Variants in ZNF322 observed in about 807,000 individuals in gnomAD.
The protein encoded by ZNF322 is HLA complex group 12.
In ZNF322, 1 loss-of-function variant was observed where a neutral mutation model predicts 18.3. The ratio of observed to expected loss-of-function variants is 0.05; its 90% CI spans 0.02 to 0.26. ZNF322 has a LOEUF of 0.26. Among genes scored for constraint, ZNF322 ranks in the 10% least tolerant of loss-of-function variants. The probability of loss-of-function intolerance (pLI) is 1.00; values close to 1 mark genes in which losing one functional copy is unlikely to be tolerated. For synonymous variants in ZNF322, 17 were observed against 130.7 expected, an observed-to-expected ratio of 0.13 and a Z score of 5.93; for missense variants, 36 against 403.6, an observed-to-expected ratio of 0.09 and a Z score of 7.80.
chr6:26,640,804 T>G (rs189096452), intron 3 of ZNF322, among the ~76,000 whole-genome samples: 3 of 152,304 alleles, frequency 2.0e-5, no homozygotes, highest in Admixed American at 2.0e-4. Context: ...ATGAAAACTT[T>G]GACTGCAAAA....
chr6:26,649,660 T>C (rs2113669121), intron 2 of ZNF322, among the ~76,000 whole-genome samples: 1 of 45,668 alleles, frequency 2.2e-5, no homozygotes, highest in Admixed American at 2.2e-4. Flanking sequence ...TGTGTGTGTG[T>C]GTGTGTGTGT....
At chr6:26,647,755 T>C (rs782249536) in intron 2 of ZNF322, among the ~76,000 whole-genome samples, 31 of 152,298 alleles carry the variant, frequency 2.0e-4, no homozygotes, top group South Asian at 8.3e-4. Context: ...CAATGCTTCA[T>C]ACATATTTTC....
chr6:26,651,717 C>T (rs1765673269), intron 2 of ZNF322, among the ~76,000 whole-genome samples: 1 of 152,066 alleles, frequency 6.6e-6, no homozygotes, highest in Admixed American at 6.6e-5. Context: ...ATACTTACTT[C>T]TCAATTAAAA....
chr6:26,656,638 C>G (rs1554149713), intron 2 of ZNF322, among the ~76,000 whole-genome samples: 1 of 152,076 alleles, frequency 6.6e-6, no homozygotes, highest in African/African-American at 2.4e-5. Flanking sequence ...TGCCGGGATA[C>G]AGACAAATAG....
chr6:26,658,351 A>T (rs961956324), intron 2 of ZNF322, among the ~76,000 whole-genome samples: 16 of 151,680 alleles, frequency 1.1e-4, no homozygotes, highest in Non-Finnish European at 1.9e-4. Flanking sequence ...GCCTAATGTG[A>T]ATATGCATGC....
intron 3 of ZNF322, among the ~76,000 whole-genome samples, chr6:26,642,688 A>G (rs1765486741): frequency 1.3e-5 from 2 of 152,000 alleles, no homozygotes; most frequent in African/African-American, 4.8e-5. Flanking sequence ...CATTACTCCT[A>G]TTTTCTTTTA....
intron 3 of ZNF322, among the ~76,000 whole-genome samples, chr6:26,639,633 A>C (rs1343786156): frequency 6.6e-6 from 1 of 152,176 alleles, no homozygotes; most frequent in Non-Finnish European, 1.5e-5. Context: ...TCAATTACCA[A>C]AAATAGACTA....
intron 2 of ZNF322, among the ~76,000 whole-genome samples, chr6:26,648,573 T>TA (rs1765595713): frequency 6.6e-6 from 1 of 152,154 alleles, no homozygotes; most frequent in Admixed American, 6.5e-5. Context: ...ACTCAAATGA[T>TA]AAAGGAATTC....
chr6:26,655,139 T>C (rs1432691224), intron 2 of ZNF322, among the ~76,000 whole-genome samples: 7 of 152,188 alleles, frequency 4.6e-5, no homozygotes, highest in African/African-American at 1.7e-4. Flanking sequence ...TCTGAAGATA[T>C]GTTCACAATA....
chr6:26,649,697 A>ATTTTT (rs1561924958), intron 2 of ZNF322, among the ~76,000 whole-genome samples: 2 of 52,462 alleles, frequency 3.8e-5, no homozygotes, highest in African/African-American at 1.9e-4. Context: ...ATATATATAT[A>ATTTTT]TATATTTTTT....
chr6:26,655,799 T>C (rs1765759186), intron 2 of ZNF322, among the ~76,000 whole-genome samples: 1 of 152,170 alleles, frequency 6.6e-6, no homozygotes, highest in Non-Finnish European at 1.5e-5. Context: ...TGAGCACTCT[T>C]GCTTGCTCTC....
At chr6:26,652,870 G>T (rs1298204436) in intron 2 of ZNF322, among the ~76,000 whole-genome samples, 1 of 152,088 alleles carries the variant, frequency 6.6e-6, no homozygotes, top group Non-Finnish European at 1.5e-5. Flanking sequence ...TATGTGTGTG[G>T]TATGTGCATG....
chr6:26,649,304 C>T (rs1765609354), intron 2 of ZNF322, among the ~76,000 whole-genome samples: 1 of 142,952 alleles, frequency 7.0e-6, no homozygotes, highest in Admixed American at 6.8e-5. Context: ...AAAGGAAATC[C>T]AGAAATAAAC....
intron 3 of ZNF322, among the ~76,000 whole-genome samples, chr6:26,640,945 G>A (rs1427945425): frequency 1.3e-5 from 2 of 152,184 alleles, no homozygotes; most frequent in African/African-American, 2.4e-5. Flanking sequence ...AAAGCTCACT[G>A]AATACAGCAA....
intron 2 of ZNF322, among the ~76,000 whole-genome samples, chr6:26,644,219 G>A (rs1179770624): frequency 2.0e-5 from 3 of 152,178 alleles, no homozygotes; most frequent in Non-Finnish European, 4.4e-5. Context: ...AACAACCCAG[G>A]AGGTGGTCAA....
At chr6:26,650,030 A>G (rs1554149058) in intron 2 of ZNF322, among the ~76,000 whole-genome samples, 1 of 152,054 alleles carries the variant, frequency 6.6e-6, no homozygotes, top group Non-Finnish European at 1.5e-5. Flanking sequence ...TAAAAAATGA[A>G]CAAAGTCAAC....
rs1172683584 is a variant in ZNF322, at chr6:26,636,611, A to T, written c.*734T>A. Reference sequence around the variant, plus strand: ...AACAGGTTTTTTGGGGCCTGATAAGACAGGAGCTTCTACCAAAGGTTTTCT... The same window carrying T: ...AACAGGTTTTTTGGGGCCTGATAAGTCAGGAGCTTCTACCAAAGGTTTTCT... On this transcript the variant is annotated 3_prime_UTR_variant, in exon 4 of 4. Transcript: ENST00000415922. 6.6e-6 allele frequency: 1 copy of T among 150,586 alleles called. No individual in the cohort carries two copies. The highest frequency in any genetic ancestry group is 6.6e-5 in the Admixed American group (1 of 15,082). 9.3% of individuals were successfully genotyped at this position (150,586 alleles called of 1,614,324 possible). A position where few individuals can be genotyped will look rare whatever the true frequency, so the allele number is the denominator to read the frequency against.
intron 2 of ZNF322, among the ~76,000 whole-genome samples, chr6:26,644,633 C>A (rs895079179): frequency 9.2e-5 from 14 of 152,234 alleles, no homozygotes; most frequent in African/African-American, 3.4e-4. Context: ...TGCCATTCAA[C>A]CAGCAGTGAT....
chr6:26,640,933 T>C (rs1460773434), intron 3 of ZNF322, among the ~76,000 whole-genome samples: 2 of 152,176 alleles, frequency 1.3e-5, no homozygotes, highest in African/African-American at 4.8e-5. Context: ...GGAAATGATA[T>C]TAAAGCTCAC....
Sources: allele counts gnomAD v4.1 joint callset (sites outside exome capture counted in the v4.1 genomes callset), GRCh38; gene constraint gnomAD v4.1.1; transcripts MANE v1.5; gene names NCBI Gene and HGNC (gene_info 2026-07-23, HGNC 2026-07-21).